The following ARHGEF17 variants were observed in gnomAD, a reference collection of about 807,000 sequenced individuals.
The protein encoded by ARHGEF17 is 164 kDa Rho-specific guanine-nucleotide exchange factor.
A neutral mutation model predicts 174.0 loss-of-function variants in ARHGEF17; 80 were observed. The ratio of observed to expected loss-of-function variants is 0.46; its 90% confidence interval spans 0.38 to 0.55. The LOEUF is 0.55. Ranked by LOEUF, ARHGEF17 falls within the 20% of genes least tolerant of loss-of-function variation. The pLI is 0.00. For synonymous variants in ARHGEF17, 1,311 were observed against 1,189.1 expected (o/e 1.10, Z -2.11); for missense variants, 2,886 against 2,839.7 (o/e 1.02, Z -0.37).
In ARHGEF17 at chr11:73,310,665, C is replaced by T; in HGVS notation, c.2027C>T (p.Ala676Val). 2 of 1,613,958 alleles carry T rather than the reference C, an allele frequency of 1.2e-6. No individual in the cohort carries two copies. Among genetic ancestry groups the T allele is most frequent in the Non-Finnish European group, 1.7e-6 (2 of 1,180,014 alleles). Reference sequence around the variant, plus strand: ...TGGCGACCTCTTTCCTCATCCTCGGCCCAGACGAACCACCATGGCCCTGGG... The same window carrying T: ...TGGCGACCTCTTTCCTCATCCTCGGTCCAGACGAACCACCATGGCCCTGGG... ...GMWRPLSSSSAQTNHHGPGTE... is the reference protein window; with the variant it reads ...GMWRPLSSSSVQTNHHGPGTE... The change falls in exon 1 of 21, where the codon GCC (alanine) becomes GTC (valine). Residue 676 changes from alanine to valine, a missense_variant. Coordinates refer to ENST00000263674, the MANE Select transcript of ARHGEF17 (RefSeq NM_014786.4).
chr11:73,357,437 T>C (rs1251900315), intron 9 of ARHGEF17, 110 bp downstream of exon 9: 4 of 1,031,936 alleles, frequency 3.9e-6, no homozygotes, highest in Non-Finnish European at 5.7e-6. Context: ...TTTTCCACTT[T>C]TGGGCCTCGC....
At chr11:73,313,730 A>G (rs114102148) in intron 1 of ARHGEF17, among the ~76,000 whole-genome samples, 1,953 of 152,300 alleles carry the variant, frequency 0.013, 45 homozygotes, top group African/African-American at 0.045. Context: ...TGAGTCTGTC[A>G]TTAGAAGAGC....
chr11:73,344,329 G>C (rs913097772), intron 1 of ARHGEF17, among the ~76,000 whole-genome samples: 3 of 152,254 alleles, frequency 2.0e-5, no homozygotes, highest in Non-Finnish European at 4.4e-5. Flanking sequence ...AGCTGGCCTT[G>C]TTTTCTGTGT....
rs750611402 is a variant in ARHGEF17 at position 73,311,654 on chromosome 11, G to A, written c.3016G>A (p.Val1006Ile). 9 of 1,613,370 alleles carry A rather than the reference G, an allele frequency of 5.6e-6. No homozygotes were observed. Among genetic ancestry groups the A allele is most frequent in the East Asian group, 4.5e-5 (2 of 44,882 alleles). The change falls in exon 1 of 21, where the codon GTC becomes ATC. Residue 1006 changes from valine to isoleucine, a missense_variant. Val to Ile is a conservative substitution (Grantham distance 29). Around this residue, in one of 4 missense-constraint regions of ARHGEF17, gnomAD observed 1,728 missense variants for 1,461.2 expected, o/e 1.18. Transcript: ENST00000263674. ...GTTGCAGGCACCATCGCTCGAGGAC[G>A]TCACCAAGCAGTACATGCTGAACCT... ...PTLQAPSLED[V>I]TKQYMLNLHS...
intron 1 of ARHGEF17, among the ~76,000 whole-genome samples, chr11:73,344,446 G>T (rs375440379): frequency 6.6e-6 from 1 of 152,302 alleles, no homozygotes; most frequent in East Asian, 1.9e-4. Flanking sequence ...CCAGCCTCCC[G>T]GCATCAGGCA....
intron 1 of ARHGEF17, among the ~76,000 whole-genome samples, chr11:73,333,083 A>T (rs1865234239): frequency 6.6e-6 from 1 of 152,138 alleles, no homozygotes; most frequent in Admixed American, 6.5e-5. Context: ...GCCTTGCTTT[A>T]CCCACGGAAG....
intron 9 of ARHGEF17, among the ~76,000 whole-genome samples, chr11:73,359,088 C>A (rs568637872): frequency 6.6e-6 from 1 of 152,196 alleles, no homozygotes; most frequent in Non-Finnish European, 1.5e-5. Flanking sequence ...TGTCATGACC[C>A]GTCCAGGGCT....
intron 3 of ARHGEF17, among the ~76,000 whole-genome samples, chr11:73,355,029 G>A (rs1865613269): frequency 6.6e-6 from 1 of 152,266 alleles, no homozygotes; most frequent in Admixed American, 6.5e-5. Flanking sequence ...TCTAGTCAGG[G>A]AAAGGAGTAC....
In ARHGEF17 at chr11:73,367,576, G is replaced by A. The variant is rs772489768; in HGVS notation, c.5996-8G>A. The stretch of plus-strand genomic sequence containing the variant: ...CCCAAGCTGACAGATCCTCCCCTCT[G>A]CCCCCAGGCCCCGAGAAGCTGCCAT... On this transcript the variant is annotated splice_region_variant and splice_polypyrimidine_tract_variant and intron_variant, in intron 20 of 20. Coordinates refer to ENST00000263674, the MANE Select transcript of ARHGEF17 (RefSeq NM_014786.4). 6.2e-6 allele frequency: 10 copies of A among 1,606,540 alleles called. No homozygotes were observed. The highest frequency in any genetic ancestry group is 1.7e-4 in the Middle Eastern group (1 of 6,002).
intron 2 of ARHGEF17, among the ~76,000 whole-genome samples, chr11:73,351,547 G>T (rs1865553933): frequency 6.6e-6 from 1 of 152,064 alleles, no homozygotes; most frequent in Admixed American, 6.5e-5. Context: ...CTTCCCATGT[G>T]GTCTCATGAT....
At chr11:73,362,371 G>A in intron 13 of ARHGEF17, 62 bp from the exon 14 acceptor site, 1 of 1,464,624 alleles carries the variant, frequency 6.8e-7, no homozygotes, top group Non-Finnish European at 9.0e-7. Flanking sequence ...CGGTGGGCGT[G>A]TCCACCACCG....
intron 1 of ARHGEF17, among the ~76,000 whole-genome samples, chr11:73,331,647 G>C (rs570554351): frequency 1.2e-3 from 177 of 152,266 alleles, no homozygotes; most frequent in African/African-American, 4.2e-3. Flanking sequence ...GAGGAGGTCA[G>C]ACTCAGCTGG....
Position 73,311,621 on chromosome 11 carries a change from C to T in ARHGEF17, c.2983C>T (p.His995Tyr), listed in dbSNP as rs532247917. 3.7e-6 allele frequency: 6 copies of T among 1,613,330 alleles called. No homozygotes were observed. In the African/African-American group the frequency reaches 6.7e-5, roughly 18 times the overall value. Residue 995 changes from histidine to tyrosine, a missense_variant, in exon 1 of 21, where the codon CAT (histidine) becomes TAT (tyrosine). Around this residue, in one of 4 missense-constraint regions of ARHGEF17, gnomAD observed 1,728 missense variants for 1,461.2 expected, o/e 1.18. Coordinates refer to ENST00000263674, the MANE Select transcript of ARHGEF17 (RefSeq NM_014786.4). ...ACCCATAGGCTTCCCTACCCGAGCCCATCCCACGTTGCAGGCACCATCGCT... is the reference window on the plus strand; with the variant it reads ...ACCCATAGGCTTCCCTACCCGAGCCTATCCCACGTTGCAGGCACCATCGCT... Reference protein sequence around the residue: ...PEPIGFPTRAHPTLQAPSLED... With the variant: ...PEPIGFPTRAYPTLQAPSLED...
Position 73,364,588 on chromosome 11 carries a change from G to A in ARHGEF17, c.5538G>A (p.Thr1846=), listed in dbSNP as rs1328210293. ...QNRVLVLSPD[T]LQLEHMFYVG... ...GAGTCCTTGTCCTGAGCCCTGACACGCTGCAGCTGGAGGTAGCAGGGGGTG... is the reference window on the plus strand; with the variant it reads ...GAGTCCTTGTCCTGAGCCCTGACACACTGCAGCTGGAGGTAGCAGGGGGTG... The change falls in exon 18 of 21, where the codon ACG becomes ACA. Residue 1846 remains threonine (T), a synonymous_variant. Transcript: ENST00000263674. 14 of 1,608,836 alleles carry A rather than the reference G, an allele frequency of 8.7e-6. No individual in the cohort carries two copies. Among genetic ancestry groups the A allele is most frequent in the Admixed American group, 6.8e-5 (4 of 58,466 alleles).
At chr11:73,364,407 A>G (rs1472232436) in intron 17 of ARHGEF17, 45 bp from the exon 18 acceptor site, 1 of 1,612,380 alleles carries the variant, frequency 6.2e-7, no homozygotes, top group Admixed American at 1.7e-5. Context: ...CGAGGCTCAA[A>G]TTTAGAACTG....
rs118100438 is a variant in ARHGEF17, at chr11:73,364,972, C to T, written c.5550+372C>T. ...CACTTGCACACATGTCAGAAGTATCCAGGGGCAACGGGTTCCCTTAATTTC... is the reference window on the plus strand; with the variant it reads ...CACTTGCACACATGTCAGAAGTATCTAGGGGCAACGGGTTCCCTTAATTTC... On this transcript the variant is annotated intron_variant, in intron 18 of 20. Transcript: ENST00000263674. 6.9e-4 allele frequency: 208 copies of T among 301,466 alleles called. No individual in the cohort carries two copies. The East Asian group carries it at 0.011, about 16-fold the overall frequency. 18.7% of individuals were successfully genotyped at this position (301,466 alleles called of 1,614,324 possible).
chr11:73,322,751 C>T (rs530442779), intron 1 of ARHGEF17, among the ~76,000 whole-genome samples: 1 of 152,160 alleles, frequency 6.6e-6, no homozygotes, highest in East Asian at 1.9e-4. Context: ...AGGGGCTCCC[C>T]TCTGCCAGCT....
At chr11:73,330,617 C>T (rs939750507) in intron 1 of ARHGEF17, among the ~76,000 whole-genome samples, 16 of 152,166 alleles carry the variant, frequency 1.1e-4, no homozygotes, top group Non-Finnish European at 2.4e-4. Context: ...CCTGGAGTGG[C>T]ACCAGATAAC....
chr11:73,347,579 C>T lies in ARHGEF17; in HGVS notation c.3270+619C>T, dbSNP rs553671918. ...AAAGCCAAGTGAGGCCTGGCACATT[C>T]GGAGGTCTACGTGGCCAGCACAGAG... On this transcript the variant is annotated intron_variant, in intron 2 of 20. Coordinates refer to ENST00000263674, the MANE Select transcript of ARHGEF17 (RefSeq NM_014786.4). Among the ~76,000 whole-genome samples the T allele has an allele frequency of 3.3e-5, 5 of 152,330 alleles. No homozygotes were observed. The East Asian group carries it at 7.7e-4, about 23-fold the overall frequency.
Sources: gnomAD v4.1 joint callset for allele counts (sites outside exome capture counted in the v4.1 genomes callset) on GRCh38, gnomAD v4.1.1 for gene constraint, gnomAD v4.1.1 regional missense constraint, MANE v1.5 for transcripts, NCBI Gene and HGNC (gene_info 2026-07-23, HGNC 2026-07-21) for gene names.